The following PPFIBP1 variants were observed in gnomAD, a reference collection of about 807,000 sequenced individuals.
PPFIBP1 encodes the protein PPFIB scaffold protein 1.
PPFIBP1 carries 112 observed loss-of-function variants against 137.8 expected under a neutral mutation model. The ratio of observed to expected loss-of-function variants is 0.81; its 90% CI spans 0.70 to 0.95. PPFIBP1 has a LOEUF of 0.95. PPFIBP1 is among the 40% of genes least tolerant of loss of function. PPFIBP1 has a pLI of 0.00. For synonymous variants in PPFIBP1, 378 were observed against 417.3 expected (o/e 0.91, Z 1.15); for missense variants, 1,083 against 1,196.6 (o/e 0.91, Z 1.40).
chr12:27,625,621 C>T (rs1296394760), intron 2 of PPFIBP1, among the ~76,000 whole-genome samples: 18 of 148,224 alleles, frequency 1.2e-4, no homozygotes, highest in African/African-American at 4.5e-4. Context: ...TGCTCTGTCG[C>T]CCAGGTTGGA....
At chr12:27,665,465 A>G (rs1593238428) in intron 12 of PPFIBP1, among the ~76,000 whole-genome samples, 1 of 152,172 alleles carries the variant, frequency 6.6e-6, no homozygotes, top group African/African-American at 2.4e-5. Flanking sequence ...AGCCTAGAGA[A>G]GGAACATTGG....
intron 1 of PPFIBP1, among the ~76,000 whole-genome samples, chr12:27,542,333 C>A (rs903890479): frequency 6.6e-6 from 1 of 152,060 alleles, no homozygotes; most frequent in Admixed American, 6.6e-5. Context: ...TTAGCATCTG[C>A]GGATTTGGGT....
At chr12:27,641,245 G>A (rs1755709309) in intron 4 of PPFIBP1, among the ~76,000 whole-genome samples, 2 of 152,132 alleles carry the variant, frequency 1.3e-5, no homozygotes, top group Non-Finnish European at 2.9e-5. Context: ...ATTAGTTTCT[G>A]TTTTATAAAA....
chr12:27,670,968 T>C (rs777721812), intron 13 of PPFIBP1, among the ~76,000 whole-genome samples: 1 of 151,862 alleles, frequency 6.6e-6, no homozygotes, highest in South Asian at 2.1e-4. Flanking sequence ...TAGGCAAGTG[T>C]GTCAGAACCA....
intron 3 of PPFIBP1, among the ~76,000 whole-genome samples, chr12:27,634,335 T>C (rs2057500435): frequency 6.6e-6 from 1 of 152,120 alleles, no homozygotes; most frequent in South Asian, 2.1e-4. Context: ...CTCGTTCGCA[T>C]GTGTTTACCT....
intron 1 of PPFIBP1, among the ~76,000 whole-genome samples, chr12:27,563,567 C>T (rs1230469842): frequency 6.6e-6 from 1 of 151,846 alleles, no homozygotes; most frequent in African/African-American, 2.4e-5. Flanking sequence ...GGAGACTCCA[C>T]CTGCCATTGC....
At chr12:27,654,430 C>T in intron 7 of PPFIBP1, 1 of 220,578 alleles carries the variant, frequency 4.5e-6, no homozygotes, top group East Asian at 9.4e-5. Context: ...ATAGAAATAT[C>T]TGACAAATAA....
chr12:27,596,294 C>T lies in PPFIBP1; in HGVS notation c.-36+18055C>T, dbSNP rs559564208. ...TTTCACTGTAGAACTGGCTTAAATT[C>T]GTTTGTTCTGTTAAATAAGATGTTT... On this transcript the variant is annotated intron_variant, in intron 2 of 29. Transcript: ENST00000228425. 4.6e-5 allele frequency among the ~76,000 whole-genome samples: 7 copies of T among 152,106 alleles called. No homozygotes were observed. The South Asian group carries it at 6.2e-4, about 14-fold the overall frequency.
At chr12:27,656,936 G>A (rs921246908) in intron 9 of PPFIBP1, 10 of 454,560 alleles carry the variant, frequency 2.2e-5, no homozygotes, top group African/African-American at 1.8e-4. Context: ...CTGGAAAAGG[G>A]GAATTCTGTA....
chr12:27,627,013 T>G (rs566042760), intron 2 of PPFIBP1, among the ~76,000 whole-genome samples: 1 of 152,302 alleles, frequency 6.6e-6, no homozygotes, highest in South Asian at 2.1e-4. Flanking sequence ...ATGGGGTACA[T>G]GAGATATTTT....
intron 2 of PPFIBP1, among the ~76,000 whole-genome samples, chr12:27,580,040 T>C (rs147208372): frequency 2.6e-3 from 397 of 152,222 alleles, no homozygotes; most frequent in African/African-American, 8.7e-3. Flanking sequence ...TCTGGATTCC[T>C]ATAGAAACTG....
chr12:27,596,071 T>TACACACACACACACACACAC (rs376577510), intron 2 of PPFIBP1, among the ~76,000 whole-genome samples: 2 of 130,704 alleles, frequency 1.5e-5, no homozygotes, highest in African/African-American at 2.9e-5. Context: ...TGGGTATAAA[T>TACACACACACACACACACAC]ACACACACAC....
At chr12:27,576,112 T>C (rs950141415) in intron 1 of PPFIBP1, among the ~76,000 whole-genome samples, 1 of 152,230 alleles carries the variant, frequency 6.6e-6, no homozygotes, top group Non-Finnish European at 1.5e-5. Context: ...CAGGCAATAC[T>C]TATTTTCTCA....
intron 1 of PPFIBP1, among the ~76,000 whole-genome samples, chr12:27,557,899 T>G (rs1031664170): frequency 2.0e-5 from 3 of 152,252 alleles, no homozygotes; most frequent in Non-Finnish European, 2.9e-5. Context: ...ATTCTCTGTC[T>G]CTTAGATCTA....
intron 2 of PPFIBP1, among the ~76,000 whole-genome samples, chr12:27,630,110 C>G (rs2057156178): frequency 6.6e-6 from 1 of 151,882 alleles, no homozygotes; most frequent in Non-Finnish European, 1.5e-5. Context: ...CCTTACCTGT[C>G]AATTCTAAAG....
intron 4 of PPFIBP1, among the ~76,000 whole-genome samples, chr12:27,643,374 T>G (rs1007212431): frequency 1.6e-5 from 2 of 128,610 alleles, no homozygotes; most frequent in African/African-American, 6.5e-5. Context: ...CAGAGTCTAT[T>G]AGAAGAGAGA....
intron 10 of PPFIBP1, 127 bp from the exon 11 acceptor site, chr12:27,660,757 T>C (rs1565961070): frequency 2.9e-6 from 4 of 1,381,754 alleles, no homozygotes; most frequent in Non-Finnish European, 3.8e-6. Context: ...TGTGCCCTTT[T>C]TAAAGAATAA....
intron 1 of PPFIBP1, among the ~76,000 whole-genome samples, chr12:27,546,037 C>T (rs1026631540): frequency 4.6e-5 from 7 of 152,166 alleles, no homozygotes; most frequent in Admixed American, 2.6e-4. Context: ...CGGTGATCTG[C>T]GGCCCTGTCC....
rs1413602889 is a variant in PPFIBP1 at position 27,676,508 on chromosome 12, C to A, written c.1491C>A (p.Asn497Lys). The change falls in exon 18 of 30, where the codon AAC becomes AAA. Residue 497 changes from asparagine to lysine, a missense_variant. By Grantham distance (94) the Asn-to-Lys change is moderately conservative. Transcript: ENST00000228425. ...PPGQDTSMDD[N>K]PFGTRKVRSS... ...GGCAGGACACCTCCATGGATGACAACCCCTTCGGCACTCGAAAAGTCAGAT... is the reference window on the plus strand; with the variant it reads ...GGCAGGACACCTCCATGGATGACAAACCCTTCGGCACTCGAAAAGTCAGAT... The A allele has an allele frequency of 6.2e-7, 1 of 1,610,016 alleles. No individual in the cohort carries two copies. Among genetic ancestry groups the A allele is most frequent in the Non-Finnish European group, 8.5e-7 (1 of 1,177,752 alleles).
Sources: gnomAD v4.1 joint callset for allele counts (sites outside exome capture counted in the v4.1 genomes callset) on GRCh38, gnomAD v4.1.1 for gene constraint, MANE v1.5 for transcripts, NCBI Gene and HGNC (gene_info 2026-07-23, HGNC 2026-07-21) for gene names.